The following VMP1 variants were observed in gnomAD, a reference collection of about 807,000 sequenced individuals.
VMP1 encodes the protein ectopic P-granules autophagy protein 3 homolog.
VMP1 carries 11 observed loss-of-function variants against 56.0 expected under a neutral mutation model. The observed-to-expected ratio is 0.20, with a 90% CI of 0.12 to 0.32. The LOEUF is 0.32. VMP1 is among the 10% of genes least tolerant of loss of function. The pLI, the probability that VMP1 is intolerant of heterozygous loss-of-function variation, is 1.00. For missense variants in VMP1, 296 were observed against 490.3 expected, an observed-to-expected ratio of 0.60 and a Z score of 3.74; for synonymous variants, 149 against 165.0, an observed-to-expected ratio of 0.90 and a Z score of 0.74.
chr17:59,821,881 C>T (rs1325685674), intron 10 of VMP1, among the ~76,000 whole-genome samples: 1 of 148,704 alleles, frequency 6.7e-6, no homozygotes, highest in Admixed American at 6.7e-5. Flanking sequence ...TTTGCTTTGT[C>T]GCCCAGGCTG....
rs754836462 is a variant in VMP1 at position 59,737,507 on chromosome 17, T to G, written c.267T>G (p.Leu89=). The G allele has an allele frequency of 9.9e-6, 16 of 1,611,900 alleles. No homozygotes were observed. Among genetic ancestry groups the G allele is most frequent in the African/African-American group, 1.3e-5 (1 of 74,854 alleles). ...VVSFLLLLAV[L]IATYYVEGVH... is the part of the protein sequence containing the mutation. ...CTTTTTTACTGCTGCTTGCTGTGCT[T>G]ATAGCTACGTATTATGTTGAAGGAG... Residue 89 remains leucine (L), a synonymous_variant, in exon 4 of 12, where the codon CTT becomes CTG. Coordinates refer to ENST00000262291, the MANE Select transcript of VMP1 (RefSeq NM_030938.5).
chr17:59,815,637 A>G (rs2038199670), intron 9 of VMP1, among the ~76,000 whole-genome samples: 1 of 152,112 alleles, frequency 6.6e-6, no homozygotes, highest in South Asian at 2.1e-4. Context: ...GTGGATCACA[A>G]GGTCAGGAGA....
chr17:59,829,832 A>G (rs1329836030), intron 10 of VMP1, among the ~76,000 whole-genome samples: 7 of 152,138 alleles, frequency 4.6e-5, no homozygotes, highest in African/African-American at 1.4e-4. Flanking sequence ...GTATCCTACT[A>G]TTGCCTTAAA....
At chr17:59,761,058 A>G (rs1449997385) in intron 5 of VMP1, among the ~76,000 whole-genome samples, 2 of 151,954 alleles carry the variant, frequency 1.3e-5, no homozygotes, top group Admixed American at 6.6e-5. Flanking sequence ...ACTTGCCACC[A>G]TGCCCGGCTA....
chr17:59,723,685 T>A (rs1228665371), intron 1 of VMP1, among the ~76,000 whole-genome samples: 2 of 152,146 alleles, frequency 1.3e-5, no homozygotes, highest in Non-Finnish European at 2.9e-5. Context: ...AGTACTTAAT[T>A]TTCTGGTGAG....
intron 6 of VMP1, among the ~76,000 whole-genome samples, chr17:59,770,353 C>T (rs956994958): frequency 6.6e-6 from 1 of 152,228 alleles, no homozygotes. Flanking sequence ...ATTTAATATA[C>T]TCTCACTCAA....
At chr17:59,803,344 CT>C (rs1455014021) in intron 7 of VMP1, among the ~76,000 whole-genome samples, 2 of 151,916 alleles carry the variant, frequency 1.3e-5, no homozygotes, top group African/African-American at 2.4e-5. Context: ...ATTGCTGTGA[CT>C]TTTTTTTATT....
At position 59,750,926 on chromosome 17, in the gene VMP1, C is replaced by CTTT. The variant is rs35948198; in HGVS notation, c.414+12000_414+12002dup. ...CTGGCAGATTTTTCCAAGATAGCACCTTTTTTTTTTTTTTTTTTTTTTTGG... is the reference window on the plus strand; with the variant it reads ...CTGGCAGATTTTTCCAAGATAGCACCTTTTTTTTTTTTTTTTTTTTTTTTTTGG... On this transcript the variant is annotated intron_variant, in intron 5 of 11. Coordinates refer to ENST00000262291, the MANE Select transcript of VMP1 (RefSeq NM_030938.5). 1.8e-3 allele frequency among the ~76,000 whole-genome samples: 163 copies of CTTT among 90,978 alleles called. 3 individuals carry two copies. The highest frequency in any genetic ancestry group is 5.4e-3 in the East Asian group (13 of 2,422). The allele number at this position is 90,978 out of a possible 152,430, so 59.7% of individuals were successfully genotyped here. A position where few individuals can be genotyped will look rare whatever the true frequency, so the allele number is the denominator to read the frequency against.
intron 10 of VMP1, among the ~76,000 whole-genome samples, chr17:59,822,708 G>A (rs1012548683): frequency 2.6e-5 from 4 of 152,134 alleles, no homozygotes; most frequent in African/African-American, 9.7e-5. Flanking sequence ...GTTCAATAAA[G>A]AGAACAAATT....
intron 7 of VMP1, among the ~76,000 whole-genome samples, chr17:59,801,112 A>ATATATG (rs1296238370): frequency 1.5e-4 from 16 of 110,324 alleles, no homozygotes; most frequent in East Asian, 7.2e-4. Context: ...ATATATATAT[A>ATATATG]TGTGTGTGTG....
At chr17:59,822,215 G>A (rs1247179226) in intron 10 of VMP1, among the ~76,000 whole-genome samples, 1 of 151,908 alleles carries the variant, frequency 6.6e-6, no homozygotes, top group Non-Finnish European at 1.5e-5. Context: ...TTTATTATCA[G>A]ATCCCAAAGG....
rs548352355 is a variant in VMP1 at position 59,757,637 on chromosome 17, C to T, written c.415-7334C>T. 1.1e-4 allele frequency among the ~76,000 whole-genome samples: 16 copies of T among 152,158 alleles called. No individual in the cohort carries two copies. The South Asian group carries it at 3.1e-3, about 30-fold the overall frequency. On this transcript the variant is annotated intron_variant, in intron 5 of 11. Coordinates refer to ENST00000262291, the MANE Select transcript of VMP1 (RefSeq NM_030938.5). ...TCACCCAGACATACTCCTGCCTGGC[C>T]AAGCACTACATCTTTTATCCTGGAC...
At chr17:59,747,479 G>A (rs1162402145) in intron 5 of VMP1, among the ~76,000 whole-genome samples, 1 of 148,736 alleles carries the variant, frequency 6.7e-6, no homozygotes, top group East Asian at 2.0e-4. Flanking sequence ...GCACAATCTC[G>A]GCTCGCCACA....
intron 9 of VMP1, among the ~76,000 whole-genome samples, chr17:59,815,229 G>T (rs2038185544): frequency 6.6e-6 from 1 of 152,130 alleles, no homozygotes; most frequent in Admixed American, 6.6e-5. Flanking sequence ...AGTATCCTTA[G>T]ATAGGAAAAG....
intron 10 of VMP1, among the ~76,000 whole-genome samples, chr17:59,819,291 C>T (rs896200313): frequency 2.0e-5 from 3 of 151,778 alleles, no homozygotes; most frequent in African/African-American, 7.3e-5. Flanking sequence ...TATTCTTGTC[C>T]CTTATTTTTT....
At chr17:59,803,957 TG>T (rs1385597965) in intron 7 of VMP1, among the ~76,000 whole-genome samples, 2 of 151,848 alleles carry the variant, frequency 1.3e-5, no homozygotes, top group Non-Finnish European at 2.9e-5. Flanking sequence ...GGATTTTTTT[TG>T]TTTTGGTTTA....
chr17:59,791,184 CTTTTTTT>C (rs200633751), intron 7 of VMP1, among the ~76,000 whole-genome samples: 60,090 of 133,620 alleles, frequency 0.45, 14,360 homozygotes, highest in Non-Finnish European at 0.55. Flanking sequence ...TCCCAGTTCC[CTTTTTTT>C]TTTTTTTTTT....
intron 10 of VMP1, among the ~76,000 whole-genome samples, chr17:59,837,470 C>G (rs2039018820): frequency 6.6e-6 from 1 of 152,098 alleles, no homozygotes; most frequent in African/African-American, 2.4e-5. Context: ...CTACAGTTGC[C>G]AAACCGGTTT....
chr17:59,710,071 C>A (rs1482304687), intron 1 of VMP1, among the ~76,000 whole-genome samples: 1 of 152,100 alleles, frequency 6.6e-6, no homozygotes, highest in Non-Finnish European at 1.5e-5. Flanking sequence ...GTGGCAGGCG[C>A]CTGTAATCCC....
Sources: gnomAD v4.1 joint callset for allele counts (sites outside exome capture counted in the v4.1 genomes callset) on GRCh38, gnomAD v4.1.1 for gene constraint, MANE v1.5 for transcripts, NCBI Gene and HGNC (gene_info 2026-07-23, HGNC 2026-07-21) for gene names.